The following TMEM39B variants were observed in gnomAD, a reference collection of about 807,000 sequenced individuals.
TMEM39B encodes the protein transmembrane protein 39B.
In TMEM39B, 23 loss-of-function variants were observed where a neutral mutation model predicts 52.2. That is an observed-to-expected ratio of 0.44 (90% CI 0.32 to 0.62). The LOEUF is 0.62. Among genes scored for constraint, TMEM39B ranks in the 20% least tolerant of loss-of-function variants. The pLI, the probability that TMEM39B is intolerant of heterozygous loss-of-function variation, is 0.06. For synonymous variants in TMEM39B, 285 were observed against 264.0 expected, an observed-to-expected ratio of 1.08 and a Z score of -0.77; for missense variants, 547 against 642.0, an observed-to-expected ratio of 0.85 and a Z score of 1.60.
chr1:32,094,846 C>G lies in TMEM39B; in HGVS notation c.990C>G (p.Thr330=). ...CELFLLVSIS[T]SVILMQHLLP... ...TCTTCCTGCTGGTGTCCATCAGCAC[C>G]TCCGTGATCCTCATGCAGCACCTGC... Residue 330 remains threonine (T), a synonymous_variant, in exon 7 of 9, where the codon ACC becomes ACG. Coordinates refer to ENST00000336294, the MANE Select transcript of TMEM39B (RefSeq NM_018056.4). The G allele has an allele frequency of 6.2e-7, 1 of 1,614,228 alleles. No homozygotes were observed.
Position 32,091,937 on chromosome 1 carries a change from C to T in TMEM39B, c.853C>T (p.Arg285Cys). The change falls in exon 6 of 9, where the codon CGC becomes TGC. Residue 285 changes from arginine (R) to cysteine (C), a missense_variant. Arg to Cys is a radical substitution (Grantham distance 180). Coordinates refer to ENST00000336294, the MANE Select transcript of TMEM39B (RefSeq NM_018056.4). ...VEFLKMDFNW[R>C]MKEVLVSSML... ...GTTCCTCAAGATGGACTTCAACTGG[C>T]GCATGAAGGAAGTGCTCGTCAGCTC... The T allele has an allele frequency of 1.2e-6, 2 of 1,614,194 alleles. No individual in the cohort carries two copies. Among genetic ancestry groups the T allele is most frequent in the South Asian group, 2.2e-5 (2 of 91,084 alleles).
intron 7 of TMEM39B, among the ~76,000 whole-genome samples, chr1:32,096,074 C>T (rs1640795137): frequency 6.6e-6 from 1 of 152,154 alleles, no homozygotes; most frequent in South Asian, 2.1e-4. Context: ...TTACCATGCC[C>T]CAACCCATCC....
At chr1:32,092,150 A>G in intron 6 of TMEM39B, 139 bp downstream of exon 6, 1 of 778,856 alleles carries the variant, frequency 1.3e-6, no homozygotes, top group East Asian at 2.7e-5. Flanking sequence ...AGTGACTACT[A>G]TCTCCATTTT....
intron 5 of TMEM39B, among the ~76,000 whole-genome samples, chr1:32,080,459 A>G (rs1014430236): frequency 1.3e-5 from 2 of 150,968 alleles, no homozygotes; most frequent in Non-Finnish European, 3.0e-5. Context: ...AGGTCAGGAG[A>G]TTGAGACCAT....
chr1:32,091,680 G>C lies in TMEM39B; in HGVS notation c.596G>C (p.Gly199Ala). ...LNLLFLCYPF[G>A]MYIPFLQLNC... is the part of the protein sequence containing the mutation. ...ACCACCGTCTTCCCCAGCAGGTTTGGGATGTACATTCCGTTCCTGCAGCTG... is the reference window on the plus strand; with the variant it reads ...ACCACCGTCTTCCCCAGCAGGTTTGCGATGTACATTCCGTTCCTGCAGCTG... Residue 199 changes from glycine to alanine, a missense_variant, in exon 6 of 9, where the codon GGG (glycine) becomes GCG (alanine). Physicochemically the swap from Gly to Ala is moderately conservative, Grantham distance 60. Transcript: ENST00000336294. 6.3e-7 allele frequency: 1 copy of C among 1,597,706 alleles called. No individual in the cohort carries two copies. The highest frequency in any genetic ancestry group is 8.5e-7 in the Non-Finnish European group (1 of 1,170,280).
chr1:32,097,811 A>G (rs1338390458), intron 7 of TMEM39B, among the ~76,000 whole-genome samples: 2 of 151,670 alleles, frequency 1.3e-5, no homozygotes, highest in East Asian at 3.9e-4. Context: ...CACCTGGCTA[A>G]TTTTTTGTAT....
At chr1:32,079,095 C>T (rs1320924889) in intron 5 of TMEM39B, among the ~76,000 whole-genome samples, 1 of 150,102 alleles carries the variant, frequency 6.7e-6, no homozygotes, top group Non-Finnish European at 1.5e-5. Flanking sequence ...GAGGGTCTTG[C>T]TGTATTGCCC....
rs569387375 is a variant in TMEM39B, at chr1:32,099,419, A to G, written c.1116-1023A>G. ...CAATGTGGCACATGTATACATATGT[A>G]ACAAACCTGCATGTTGTACACATGT... On this transcript the variant is annotated intron_variant, in intron 7 of 8. Transcript: ENST00000336294. Among the ~76,000 whole-genome samples, 4 of 152,294 alleles carry G rather than the reference A, an allele frequency of 2.6e-5. No individual in the cohort carries two copies. In the South Asian group the frequency reaches 8.3e-4, roughly 32 times the overall value.
Position 32,078,795 on chromosome 1 carries a change from C to G in TMEM39B, c.590+1477C>G, listed in dbSNP as rs185698284. Among the ~76,000 whole-genome samples, 22 of 152,118 alleles carry G rather than the reference C, an allele frequency of 1.4e-4. No individual in the cohort carries two copies. The East Asian group carries it at 4.3e-3, about 29-fold the overall frequency. On this transcript the variant is annotated intron_variant, in intron 5 of 8. Transcript: ENST00000336294. Reference sequence around the variant, plus strand: ...AACTGGGATTACAGGTGCCCACCACCACGCCTGGCTACTTTTTGTATTTTT... The same window carrying G: ...AACTGGGATTACAGGTGCCCACCACGACGCCTGGCTACTTTTTGTATTTTT...
chr1:32,091,719 G>A lies in TMEM39B; in HGVS notation c.635G>A (p.Arg212His), dbSNP rs372540791. ...IPFLQLNCDL[R>H]KTSLFNHMAS... ...TTCCTGCAGCTGAATTGCGACCTCC[G>A]CAAGACAAGCCTCTTCAACCACATG... Residue 212 changes from arginine (R) to histidine (H), a missense_variant, in exon 6 of 9, where the codon CGC becomes CAC. Coordinates refer to ENST00000336294, the MANE Select transcript of TMEM39B (RefSeq NM_018056.4). 7.4e-6 allele frequency: 12 copies of A among 1,613,390 alleles called. No homozygotes were observed. Among genetic ancestry groups the A allele is most frequent in the South Asian group, 3.3e-5 (3 of 91,016 alleles).
At chr1:32,088,762 C>T (rs1447040586) in intron 5 of TMEM39B, among the ~76,000 whole-genome samples, 4 of 152,072 alleles carry the variant, frequency 2.6e-5, no homozygotes, top group South Asian at 2.1e-4. Context: ...ACAAAGCCAG[C>T]GAGATTCTTT....
rs138037162 is a variant in TMEM39B, at chr1:32,096,750, T to C, written c.1115+1779T>C. 7.7e-3 allele frequency among the ~76,000 whole-genome samples: 1,167 copies of C among 152,150 alleles called. 10 individuals are homozygous for C. The highest frequency in any genetic ancestry group is 0.026 in the African/African-American group (1,073 of 41,488). On this transcript the variant is annotated intron_variant, in intron 7 of 8. Transcript: ENST00000336294. ...TGCTGGGGTTACAGGAGTGAGCCAC[T>C]ACACTTGGCCTAGGCCTTTCTTTTT... is the stretch of plus-strand genomic sequence containing the variant.
At chr1:32,094,328 T>TA (rs1640731927) in intron 6 of TMEM39B, among the ~76,000 whole-genome samples, 1 of 151,236 alleles carries the variant, frequency 6.6e-6, no homozygotes, top group South Asian at 2.1e-4. Context: ...GGTTTCACTA[T>TA]ATTGGCCAGG....
At chr1:32,074,708 G>A (rs1171403555) in intron 1 of TMEM39B, among the ~76,000 whole-genome samples, 1 of 152,144 alleles carries the variant, frequency 6.6e-6, no homozygotes, top group African/African-American at 2.4e-5. Flanking sequence ...GTAGCAATGA[G>A]CTTGGCTTGC....
chr1:32,091,576 G>A (rs1640603551), intron 5 of TMEM39B, 99 bp from the exon 6 acceptor site: 2 of 1,369,016 alleles, frequency 1.5e-6, no homozygotes, highest in African/African-American at 1.5e-5. Flanking sequence ...GCAGCCAGGA[G>A]AGCTGAGGCC....
chr1:32,074,580 G>A (rs1167197546), intron 1 of TMEM39B, among the ~76,000 whole-genome samples: 1 of 152,170 alleles, frequency 6.6e-6, no homozygotes, highest in Non-Finnish European at 1.5e-5. Context: ...TTCAGAGAGT[G>A]AATTCTGGTG....
intron 5 of TMEM39B, among the ~76,000 whole-genome samples, chr1:32,084,910 G>A (rs1185085476): frequency 6.6e-6 from 1 of 152,120 alleles, no homozygotes; most frequent in Admixed American, 6.6e-5. Context: ...CAGAACTTTT[G>A]CAGTTATTAT....
chr1:32,075,032 G>C lies in TMEM39B; in HGVS notation c.86G>C (p.Ser29Thr). Reference sequence around the variant, plus strand: ...GGATCCTCGGGGGGCTCTAGTGGAAGCCACACTTCCAGTGCATCGGTGACC... The same window carrying C: ...GGATCCTCGGGGGGCTCTAGTGGAACCCACACTTCCAGTGCATCGGTGACC... ...EPGSSGGSSG[S>T]HTSSASVTSV... Residue 29 changes from serine to threonine, a missense_variant, in exon 2 of 9, where the codon AGC becomes ACC. Coordinates refer to ENST00000336294, the MANE Select transcript of TMEM39B (RefSeq NM_018056.4). The C allele has an allele frequency of 6.4e-7, 1 of 1,551,562 alleles. No individual in the cohort carries two copies.
intron 7 of TMEM39B, chr1:32,095,619 A>G (rs1569939812): frequency 6.6e-6 from 1 of 152,408 alleles, no homozygotes; most frequent in African/African-American, 2.4e-5. Flanking sequence ...AGTACTTTTC[A>G]CCCCATTATA....
Sources: gnomAD v4.1 joint callset for allele counts (sites outside exome capture counted in the v4.1 genomes callset) on GRCh38, gnomAD v4.1.1 for gene constraint, MANE v1.5 for transcripts, NCBI Gene and HGNC (gene_info 2026-07-23, HGNC 2026-07-21) for gene names.